Variants in PIBF1 observed in about 807,000 individuals in gnomAD.
PIBF1 encodes the protein progesterone immunomodulatory binding factor 1.
PIBF1 carries 90 observed loss-of-function variants against 112.5 expected under a neutral mutation model. That is an observed-to-expected ratio of 0.80 (90% CI 0.67 to 0.95). The LOEUF (loss-of-function observed/expected upper bound fraction) is 0.95. Ranked by LOEUF, PIBF1 falls within the 40% of genes least tolerant of loss-of-function variation. The pLI is 0.00. For missense variants in PIBF1, 915 were observed against 852.3 expected, an observed-to-expected ratio of 1.07 and a Z score of -0.92; for synonymous variants, 301 against 288.6, an observed-to-expected ratio of 1.04 and a Z score of -0.44.
chr13:72,837,525 C>A (rs1198253483), intron 9 of PIBF1, among the ~76,000 whole-genome samples: 1 of 151,954 alleles, frequency 6.6e-6, no homozygotes, highest in Admixed American at 6.6e-5. Flanking sequence ...TATAAAATAA[C>A]AGATGTTAAG....
intron 8 of PIBF1, among the ~76,000 whole-genome samples, chr13:72,832,154 A>G (rs9564923): frequency 0.2 from 24,714 of 123,970 alleles, 2,721 homozygotes; most frequent in Admixed American, 0.39. Flanking sequence ...TTGAGCCTAT[A>G]TGTGTCTTTG....
intron 10 of PIBF1, among the ~76,000 whole-genome samples, chr13:72,865,144 G>C (rs1441374493): frequency 1.3e-5 from 2 of 152,002 alleles, no homozygotes; most frequent in Non-Finnish European, 2.9e-5. Context: ...TCCTTTTATG[G>C]ATAGAAGATA....
At chr13:72,794,283 G>GAAA (rs1310140002) in intron 3 of PIBF1, among the ~76,000 whole-genome samples, 1 of 152,190 alleles carries the variant, frequency 6.6e-6, no homozygotes, top group African/African-American at 2.4e-5. Flanking sequence ...TAAGAGGAAA[G>GAAA]GATTTGGAGA....
chr13:72,936,031 T>TATTC (rs1490147916), intron 14 of PIBF1, among the ~76,000 whole-genome samples: 1 of 151,514 alleles, frequency 6.6e-6, no homozygotes, highest in Non-Finnish European at 1.5e-5. Flanking sequence ...TTTATTTATT[T>TATTC]ATTATTTATT....
Position 72,854,100 on chromosome 13 carries a change from C to T in PIBF1, c.1267C>T (p.Arg423Ter), listed in dbSNP as rs374837848. The part of the protein sequence containing the change: ...ARDNAVAEKE[R>*]AVMAEKDALE... ...GGATAATGCTGTGGCTGAAAAGGAA[C>T]GAGCAGTGATGGCTGAAAAGGATGC... The change falls in exon 10 of 18, where the codon CGA (arginine) becomes TGA (stop). Residue 423 changes from arginine to a stop codon, truncating the protein, a stop_gained. Transcript: ENST00000326291. LOFTEE classifies it high-confidence loss of function. 3.1e-6 allele frequency: 5 copies of T among 1,613,046 alleles called. No homozygotes were observed. The highest frequency in any genetic ancestry group is 4.5e-5 in the East Asian group (2 of 44,852).
chr13:72,946,588 A>G (rs2042154060), intron 14 of PIBF1, among the ~76,000 whole-genome samples: 2 of 152,236 alleles, frequency 1.3e-5, no homozygotes, highest in Non-Finnish European at 2.9e-5. Flanking sequence ...CCTTCCGCCT[A>G]TGAGCCTGCA....
intron 14 of PIBF1, among the ~76,000 whole-genome samples, chr13:72,951,745 T>C (rs1002936793): frequency 6.6e-5 from 10 of 152,302 alleles, no homozygotes; most frequent in South Asian, 2.1e-4. Context: ...GTCATTATAT[T>C]ATCACACAGA....
intron 14 of PIBF1, among the ~76,000 whole-genome samples, chr13:72,944,912 T>TC (rs761499379): frequency 1.6e-4 from 24 of 152,044 alleles, no homozygotes; most frequent in Non-Finnish European, 2.8e-4. Context: ...AATTACAGGC[T>TC]CCTGCTACAG....
intron 3 of PIBF1, among the ~76,000 whole-genome samples, chr13:72,794,013 A>G (rs2035067047): frequency 6.6e-6 from 1 of 152,192 alleles, no homozygotes; most frequent in African/African-American, 2.4e-5. Flanking sequence ...AGGAGTGCGT[A>G]CAGACAGAAG....
chr13:72,897,920 A>G (rs934595408), intron 11 of PIBF1, among the ~76,000 whole-genome samples: 2 of 152,188 alleles, frequency 1.3e-5, no homozygotes, highest in Non-Finnish European at 2.9e-5. Flanking sequence ...CAAAGAAACA[A>G]TGGATTTAAC....
chr13:72,806,604 T>C (rs1201976378), intron 5 of PIBF1, among the ~76,000 whole-genome samples: 2 of 152,174 alleles, frequency 1.3e-5, no homozygotes. Context: ...CTCCCACTTA[T>C]GAGTGAAAAC....
intron 6 of PIBF1, among the ~76,000 whole-genome samples, chr13:72,823,367 T>C (rs1296598500): frequency 6.6e-6 from 1 of 152,192 alleles, no homozygotes; most frequent in Non-Finnish European, 1.5e-5. Flanking sequence ...ACATATGTTT[T>C]CATTTACTAT....
At chr13:72,978,217 C>G (rs967457683) in intron 16 of PIBF1, among the ~76,000 whole-genome samples, 11 of 152,094 alleles carry the variant, frequency 7.2e-5, no homozygotes, top group Admixed American at 2.0e-4. Flanking sequence ...TGTAGAAGAT[C>G]AAAACAAAGT....
At chr13:73,003,828 G>A (rs938598710) in intron 17 of PIBF1, among the ~76,000 whole-genome samples, 1 of 152,038 alleles carries the variant, frequency 6.6e-6, no homozygotes, top group African/African-American at 2.4e-5. Flanking sequence ...TCCCAACTCA[G>A]CCTCCCAAAT....
chr13:72,959,470 A>G (rs1260700696), intron 14 of PIBF1, among the ~76,000 whole-genome samples: 3 of 152,218 alleles, frequency 2.0e-5, no homozygotes, highest in African/African-American at 7.2e-5. Context: ...ACTGCTAGAA[A>G]GTATCACTTG....
At chr13:72,890,206 G>A (rs895859334) in intron 10 of PIBF1, among the ~76,000 whole-genome samples, 4 of 152,058 alleles carry the variant, frequency 2.6e-5, no homozygotes, top group Non-Finnish European at 5.9e-5. Flanking sequence ...ATGTTTTCCT[G>A]TTTCTGAGAC....
Position 72,967,230 on chromosome 13 carries a change from G to A in PIBF1, c.1964+1826G>A, listed in dbSNP as rs550505791. ...ATTAAAGGCATGAGACACCATGCCC[G>A]GCCTTAAAATTTGAATCTTTTATAT... On this transcript the variant is annotated intron_variant, in intron 15 of 17. Coordinates refer to ENST00000326291, the MANE Select transcript of PIBF1 (RefSeq NM_006346.4). 8.5e-5 allele frequency among the ~76,000 whole-genome samples: 13 copies of A among 152,066 alleles called. No homozygotes were observed. In the South Asian group the frequency reaches 2.1e-3, roughly 24 times the overall value.
intron 10 of PIBF1, among the ~76,000 whole-genome samples, chr13:72,859,295 TTAGA>T (rs1219876654): frequency 6.6e-6 from 1 of 151,972 alleles, no homozygotes; most frequent in African/African-American, 2.4e-5. Context: ...TGGAAATGAG[TTAGA>T]TAGGGAACAA....
intron 14 of PIBF1, among the ~76,000 whole-genome samples, chr13:72,950,984 A>G (rs1036757449): frequency 5.3e-5 from 8 of 152,234 alleles, no homozygotes; most frequent in African/African-American, 1.2e-4. Context: ...AAAGTGGCCA[A>G]TCAGCAAGGA....
Sources: allele counts gnomAD v4.1 joint callset (sites outside exome capture counted in the v4.1 genomes callset), GRCh38; gene constraint gnomAD v4.1.1; transcripts MANE v1.5; gene names NCBI Gene and HGNC (gene_info 2026-07-23, HGNC 2026-07-21).